MROH9: variants seen among roughly 807,000 people sequenced by gnomAD.
The protein encoded by MROH9 is maestro heat-like repeat-containing protein family member 9.
In MROH9, 92 loss-of-function variants were observed where a neutral mutation model predicts 98.2. That is an observed-to-expected ratio of 0.94 (90% confidence interval 0.79 to 1.11). The LOEUF is 1.11. Ranked by LOEUF, MROH9 falls within the 50% of genes most tolerant of loss-of-function variation. The probability of loss-of-function intolerance (pLI) is 0.00; values close to 1 mark genes in which losing one functional copy is unlikely to be tolerated. For missense variants in MROH9, 1,057 were observed against 1,014.8 expected, an observed-to-expected ratio of 1.04 and a Z score of -0.57; for synonymous variants, 397 against 368.9, an observed-to-expected ratio of 1.08 and a Z score of -0.87.
At chr1:170,999,395 A>G (rs1264092200) in intron 15 of MROH9, among the ~76,000 whole-genome samples, 4 of 152,104 alleles carry the variant, frequency 2.6e-5, no homozygotes, top group African/African-American at 9.7e-5. Flanking sequence ...GCTCTCACAT[A>G]TCACAGAGAA....
chr1:171,013,616 T>C (rs1215659029), intron 15 of MROH9, among the ~76,000 whole-genome samples: 1 of 152,134 alleles, frequency 6.6e-6, no homozygotes, highest in Non-Finnish European at 1.5e-5. Flanking sequence ...AGAAACTCTG[T>C]CTCATTAGAA....
chr1:170,995,627 C>A, intron 13 of MROH9, 96 bp downstream of exon 13: 3 of 1,344,540 alleles, frequency 2.2e-6, no homozygotes, highest in Non-Finnish European at 3.1e-6. Flanking sequence ...TCTTTACAGT[C>A]CCATGTGCGG....
Position 170,992,267 on chromosome 1 carries a change from G to A in MROH9, c.1132G>A (p.Glu378Lys). ...LILKGKPGEM[E>K]DTVTEGKRFS... Reference sequence around the variant, plus strand: ...ACTGAAAGGAAAGCCTGGGGAAATGGAGGACACCGTAACGGAAGGGAAACG... The same window carrying A: ...ACTGAAAGGAAAGCCTGGGGAAATGAAGGACACCGTAACGGAAGGGAAACG... The change falls in exon 12 of 22, where the codon GAG becomes AAG. Residue 378 changes from glutamate (E) to lysine (K), a missense_variant. Coordinates refer to ENST00000367759, the MANE Select transcript of MROH9 (RefSeq NM_001163629.2). 1 of 1,613,550 alleles carries A rather than the reference G, an allele frequency of 6.2e-7. No homozygotes were observed. Among genetic ancestry groups the A allele is most frequent in the Non-Finnish European group, 8.5e-7 (1 of 1,179,690 alleles).
intron 8 of MROH9, among the ~76,000 whole-genome samples, chr1:170,981,779 A>G (rs1225174532): frequency 2.0e-5 from 3 of 152,094 alleles, no homozygotes; most frequent in Non-Finnish European, 4.4e-5. Flanking sequence ...AAGACAACCA[A>G]ATAAAAAATA....
intron 5 of MROH9, among the ~76,000 whole-genome samples, chr1:170,961,087 A>G (rs1285388294): frequency 6.6e-6 from 1 of 152,228 alleles, no homozygotes; most frequent in Non-Finnish European, 1.5e-5. Flanking sequence ...CAGCACTTAA[A>G]ATAGCAATTA....
At chr1:171,016,054 G>A (rs749236196) in intron 16 of MROH9, 109 bp from the exon 17 acceptor site, 28 of 641,182 alleles carry the variant, frequency 4.4e-5, no homozygotes, top group Admixed American at 3.1e-4. Context: ...TTCGTGAGTC[G>A]GCTTCCGCAC....
chr1:170,995,397 G>T lies in MROH9; in HGVS notation c.1203G>T (p.Gln401His). 1.2e-6 allele frequency: 2 copies of T among 1,613,292 alleles called. No individual in the cohort carries two copies. The highest frequency in any genetic ancestry group is 1.7e-6 in the Non-Finnish European group (2 of 1,179,478). ...ITNLMPLAAC[Q>H]ALCTFLPLGS... is the part of the protein sequence containing the mutation. ...ATTTCCTTCCCTTATAGGCATGCCA[G>T]GCCCTGTGCACCTTTCTGCCTCTTG... Residue 401 changes from glutamine to histidine, a missense_variant, in exon 13 of 22, where the codon CAG becomes CAT. Physicochemically the swap from Gln to His is conservative, Grantham distance 24. Coordinates refer to ENST00000367759, the MANE Select transcript of MROH9 (RefSeq NM_001163629.2).
chr1:171,008,101 T>C (rs1052740737), intron 15 of MROH9, among the ~76,000 whole-genome samples: 2 of 152,226 alleles, frequency 1.3e-5, no homozygotes, highest in Non-Finnish European at 2.9e-5. Context: ...TGTTTTATTA[T>C]GGATTTTCAT....
intron 7 of MROH9, among the ~76,000 whole-genome samples, chr1:170,971,070 C>T (rs1184075733): frequency 6.6e-6 from 1 of 152,116 alleles, no homozygotes; most frequent in African/African-American, 2.4e-5. Flanking sequence ...AATGCCTTTT[C>T]TACCTTTCCT....
At chr1:170,950,675 G>A (rs562296785) in intron 3 of MROH9, among the ~76,000 whole-genome samples, 1 of 152,204 alleles carries the variant, frequency 6.6e-6, no homozygotes, top group East Asian at 1.9e-4. Flanking sequence ...ACATGCATGT[G>A]TATTACCTTT....
At chr1:171,023,080 A>G (rs1652570079) in intron 17 of MROH9, among the ~76,000 whole-genome samples, 1 of 152,204 alleles carries the variant, frequency 6.6e-6, no homozygotes, top group Admixed American at 6.5e-5. Context: ...ACACTTTCCA[A>G]GACTGACATG....
chr1:170,957,787 A>ATTTTTT (rs1372647484), intron 3 of MROH9, among the ~76,000 whole-genome samples: 3 of 128,002 alleles, frequency 2.3e-5, no homozygotes, highest in Non-Finnish European at 5.0e-5. Flanking sequence ...CCCTGCTGGC[A>ATTTTTT]TTTTTTTGTT....
intron 20 of MROH9, among the ~76,000 whole-genome samples, chr1:171,055,846 G>A (rs942844346): frequency 6.6e-6 from 1 of 152,136 alleles, no homozygotes; most frequent in Non-Finnish European, 1.5e-5. Flanking sequence ...CAGCTGGTGT[G>A]ATCCATGGAG....
chr1:170,959,620 C>T (rs750662472), intron 5 of MROH9, 23 bp downstream of exon 5: 16 of 1,604,444 alleles, frequency 1.0e-5, no homozygotes, highest in Non-Finnish European at 1.4e-5. Flanking sequence ...TTCCTTTAAT[C>T]ATTATAGGAT....
chr1:171,018,959 A>G (rs897220157), intron 17 of MROH9, among the ~76,000 whole-genome samples: 17 of 152,248 alleles, frequency 1.1e-4, no homozygotes, highest in African/African-American at 1.7e-4. Flanking sequence ...GCTATGGATC[A>G]AGTGGACCCA....
intron 17 of MROH9, among the ~76,000 whole-genome samples, chr1:171,023,562 A>G (rs996001902): frequency 6.6e-6 from 1 of 152,140 alleles, no homozygotes; most frequent in African/African-American, 2.4e-5. Flanking sequence ...TTTTAATGCA[A>G]TCTGAATTAT....
At chr1:170,940,502 T>C (rs1485621361) in intron 1 of MROH9, among the ~76,000 whole-genome samples, 1 of 152,180 alleles carries the variant, frequency 6.6e-6, no homozygotes, top group Admixed American at 6.6e-5. Context: ...TTGCTGGCCT[T>C]TCCAGCTGAA....
chr1:170,983,049 T>C (rs886150509), intron 8 of MROH9, among the ~76,000 whole-genome samples: 3 of 152,248 alleles, frequency 2.0e-5, no homozygotes, highest in Admixed American at 2.0e-4. Context: ...CTGGATTCCC[T>C]GGTCTACCAC....
intron 15 of MROH9, among the ~76,000 whole-genome samples, chr1:171,006,732 TTG>T (rs1403007708): frequency 6.6e-6 from 1 of 151,904 alleles, no homozygotes; most frequent in Non-Finnish European, 1.5e-5. Flanking sequence ...TAATTCTTTC[TTG>T]TGTGTGATCA....
Sources: allele counts gnomAD v4.1 joint callset (sites outside exome capture counted in the v4.1 genomes callset), GRCh38; gene constraint gnomAD v4.1.1; transcripts MANE v1.5; gene names NCBI Gene and HGNC (gene_info 2026-07-23, HGNC 2026-07-21).